Variants in SYNE1 observed in about 807,000 individuals in gnomAD.
SYNE1 encodes the protein nesprin-1.
In SYNE1, 616 loss-of-function variants were observed where a neutral mutation model predicts 1,111.0. That is an observed-to-expected ratio of 0.55 (90% confidence interval 0.52 to 0.59). The LOEUF (loss-of-function observed/expected upper bound fraction) is 0.59. SYNE1 is among the 20% of genes least tolerant of loss of function. The pLI is 0.00. For missense variants in SYNE1, 10,006 were observed against 10,417.0 expected (o/e 0.96, Z 1.72); for synonymous variants, 3,855 against 3,825.8 (o/e 1.01, Z -0.28).
intron 69 of SYNE1, among the ~76,000 whole-genome samples, 174 bp from the exon 70 acceptor site, chr6:152,352,527 A>G (rs1345773946): frequency 6.6e-6 from 1 of 151,460 alleles, no homozygotes; most frequent in African/African-American, 2.4e-5. Context: ...CTCAGCCTCC[A>G]AAGTAGCTGG....
chr6:152,211,384 A>C (rs1409227258), intron 124 of SYNE1, 110 bp downstream of exon 124: 1 of 865,580 alleles, frequency 1.2e-6, no homozygotes, highest in Non-Finnish European at 1.9e-6. Context: ...GCCCCACTAC[A>C]GTTCAATTGC....
At position 152,316,914 on chromosome 6, in the gene SYNE1, A is replaced by T. The variant is rs779388666; in HGVS notation, c.16645T>A (p.Leu5549Met). Residue 5549 changes from leucine (L) to methionine (M), a missense_variant, in exon 87 of 146, where the codon TTG (leucine) becomes ATG (methionine). Coordinates refer to ENST00000367255, the MANE Select transcript of SYNE1 (RefSeq NM_182961.4). Reference protein sequence around the residue: ...ILKWIEKAKVLAHGTIAWNSA... With the variant: ...ILKWIEKAKVMAHGTIAWNSA... ...TTCCATGCAATAGTTCCATGAGCCA[A>T]GACTTTAGCTTTTTCAATCCACTTC... The T allele has an allele frequency of 6.2e-7, 1 of 1,614,170 alleles. No individual in the cohort carries two copies. The highest frequency in any genetic ancestry group is 1.1e-5 in the South Asian group (1 of 91,082).
chr6:152,169,234 C>T (rs1345647549), intron 130 of SYNE1, among the ~76,000 whole-genome samples: 1 of 152,066 alleles, frequency 6.6e-6, no homozygotes, highest in Non-Finnish European at 1.5e-5. Context: ...TGTGAGTTGA[C>T]TGTTTTTAAA....
chr6:152,611,537 G>C lies in SYNE1; in HGVS notation c.67+16728C>G, dbSNP rs547576451. Among the ~76,000 whole-genome samples, 51 of 151,992 alleles carry C rather than the reference G, an allele frequency of 3.4e-4. 1 individual carries two copies. The highest frequency in any genetic ancestry group is 1.2e-3 in the African/African-American group (48 of 41,458). On this transcript the variant is annotated intron_variant, in intron 3 of 145. Transcript: ENST00000367255. The stretch of plus-strand genomic sequence containing the variant: ...CTACAAAGAGACTTAGACTCCCACA[G>C]AATAATAATGGGAGACTTTAACACC...
intron 6 of SYNE1, among the ~76,000 whole-genome samples, chr6:152,516,188 A>C (rs1245943450): frequency 1.3e-5 from 2 of 152,190 alleles, no homozygotes; most frequent in African/African-American, 2.4e-5. Context: ...TAGGATACAG[A>C]AGTGCAAGAG....
chr6:152,189,048 A>G (rs1182396819), intron 128 of SYNE1, among the ~76,000 whole-genome samples: 2 of 144,066 alleles, frequency 1.4e-5, no homozygotes, highest in Non-Finnish European at 1.5e-5. Context: ...GTGAAAGAAA[A>G]AGAATCCAGT....
In SYNE1 at chr6:152,289,681, C is replaced by T. The variant is rs141999524; in HGVS notation, c.18012+3907G>A. On this transcript the variant is annotated intron_variant, in intron 95 of 145. Transcript: ENST00000367255. The stretch of plus-strand genomic sequence containing the variant: ...TCGCTCTGTCGCTCAGGCTGGAGTG[C>T]GGTGGCGCAATCTCGGTTCACTGCA... 2.5e-3 allele frequency among the ~76,000 whole-genome samples: 377 copies of T among 152,230 alleles called. 2 individuals are homozygous for T. The highest frequency in any genetic ancestry group is 8.7e-3 in the African/African-American group (361 of 41,550).
In SYNE1 at chr6:152,458,830, C is replaced by T; in HGVS notation, c.2495G>A (p.Gly832Glu). The change falls in exon 22 of 146, where the codon GGG (glycine) becomes GAG (glutamate). Residue 832 changes from glycine to glutamate, a missense_variant. This residue lies in a region of SYNE1 where 1,971 missense variants were observed against 2,084.1 expected (regional missense o/e 0.95). Coordinates refer to ENST00000367255, the MANE Select transcript of SYNE1 (RefSeq NM_182961.4). ...AACTGTGATAATTTCATTGATTTTC[C>T]CAAGTGAGTCATAAAAGGACGTCAT... ...KQMTSFYDSL[G>E]KINEIITVLE... The T allele has an allele frequency of 6.2e-7, 1 of 1,614,000 alleles. No individual in the cohort carries two copies. The highest frequency in any genetic ancestry group is 2.2e-5 in the East Asian group (1 of 44,866).
Position 152,218,116 on chromosome 6 carries a change from C to T in SYNE1, c.22191+141G>A, listed in dbSNP as rs145023562. On this transcript the variant is annotated intron_variant, in intron 121 of 145. Transcript: ENST00000367255. ...AGGATGAGGCAGAATCGCTTGAACC[C>T]GGAAAGCAGAGGTTGCAGTGAGCCG... 672 of 974,994 alleles carry T rather than the reference C, an allele frequency of 6.9e-4. 9 individuals carry two copies. In the East Asian group the frequency reaches 0.014, roughly 21 times the overall value. 60.4% of individuals were successfully genotyped at this position (974,994 alleles called of 1,614,324 possible).
At chr6:152,531,117 A>G (rs2099198073) in intron 4 of SYNE1, among the ~76,000 whole-genome samples, 1 of 152,194 alleles carries the variant, frequency 6.6e-6, no homozygotes, top group African/African-American at 2.4e-5. Context: ...CACAAAGTGC[A>G]AGTGTACTGA....
chr6:152,391,995 T>G (rs1218607218), intron 51 of SYNE1, among the ~76,000 whole-genome samples: 1 of 152,176 alleles, frequency 6.6e-6, no homozygotes, highest in Non-Finnish European at 1.5e-5. Context: ...GATTCCTCCT[T>G]TATGAAAACC....
intron 95 of SYNE1, among the ~76,000 whole-genome samples, chr6:152,293,367 G>GTC (rs755993291): frequency 8.0e-4 from 122 of 151,950 alleles, no homozygotes; most frequent in African/African-American, 2.9e-3. Flanking sequence ...AGGTCTGCAT[G>GTC]TCTCTCTCTC....
chr6:152,216,164 AAG>A (rs1472439354), intron 121 of SYNE1, among the ~76,000 whole-genome samples: 4 of 152,226 alleles, frequency 2.6e-5, no homozygotes, highest in African/African-American at 9.6e-5. Context: ...TTTTTGAAGA[AAG>A]AATAAATCTC....
In SYNE1 at chr6:152,449,569, A is replaced by G; in HGVS notation, c.3468T>C (p.Asp1156=). ...GTTTAACCTCTCCGTGGTTGGCAGT[A>G]TCGATGGCCTCACCCTTGATCCCCT... ...QLKGIKGEAI[D]TANHGEVKRA... is the part of the protein sequence containing the mutation. The change falls in exon 28 of 146, where the codon GAT becomes GAC. Residue 1156 remains aspartate (D), a synonymous_variant. Transcript: ENST00000367255. 2 of 1,614,166 alleles carry G rather than the reference A, an allele frequency of 1.2e-6. No homozygotes were observed. The highest frequency in any genetic ancestry group is 8.5e-7 in the Non-Finnish European group (1 of 1,180,010).
At chr6:152,409,461 C>G in intron 43 of SYNE1, 98 bp downstream of exon 43, 9 of 1,494,556 alleles carry the variant, frequency 6.0e-6, no homozygotes, top group Non-Finnish European at 8.2e-6. Context: ...TTACCCACAT[C>G]TAAGTATACT....
intron 65 of SYNE1, 149 bp from the exon 66 acceptor site, chr6:152,358,686 T>A (rs1006433954): frequency 1.3e-6 from 1 of 789,762 alleles, no homozygotes; most frequent in Non-Finnish European, 2.0e-6. Flanking sequence ...ATCTTCAATA[T>A]TTATGTAAAA....
At chr6:152,297,402 C>G (rs2094929978) in intron 93 of SYNE1, among the ~76,000 whole-genome samples, 1 of 152,140 alleles carries the variant, frequency 6.6e-6, no homozygotes, top group Non-Finnish European at 1.5e-5. Context: ...CCTCCCACAA[C>G]ACTGTACTGC....
intron 14 of SYNE1, among the ~76,000 whole-genome samples, chr6:152,482,722 TGAGAATGGAGGCAGA>T (rs1162186476): frequency 6.6e-6 from 1 of 152,066 alleles, no homozygotes; most frequent in African/African-American, 2.4e-5. Flanking sequence ...TGCCTTCCTT[TGAGAATGGAGGCAGA>T]AATGAGGTCT....
At chr6:152,188,411 G>A (rs1227079703) in intron 128 of SYNE1, among the ~76,000 whole-genome samples, 1 of 151,988 alleles carries the variant, frequency 6.6e-6, no homozygotes, top group Non-Finnish European at 1.5e-5. Flanking sequence ...AAGTCAATCT[G>A]GGATATTTTT....
Sources: allele counts gnomAD v4.1 joint callset (sites outside exome capture counted in the v4.1 genomes callset), GRCh38; gene constraint gnomAD v4.1.1; regional missense constraint gnomAD v4.1.1; transcripts MANE v1.5; gene names NCBI Gene and HGNC (gene_info 2026-07-23, HGNC 2026-07-21).